The following AKT3 variants were observed in gnomAD, a reference collection of about 807,000 sequenced individuals.
The protein encoded by AKT3 is AKT serine/threonine kinase 3.
In AKT3, 15 loss-of-function variants were observed where a neutral mutation model predicts 65.3. The ratio of observed to expected loss-of-function variants is 0.23; its 90% CI spans 0.15 to 0.35. The LOEUF is 0.35. Among genes scored for constraint, AKT3 ranks in the 10% least tolerant of loss-of-function variants. The pLI is 1.00. For synonymous variants in AKT3, 206 were observed against 183.8 expected, an observed-to-expected ratio of 1.12 and a Z score of -0.98; for missense variants, 243 against 576.5, an observed-to-expected ratio of 0.42 and a Z score of 5.92.
chr1:243,842,978 C>T lies in AKT3; in HGVS notation c.46+147G>A, dbSNP rs1572443945. The T allele has an allele frequency of 8.4e-6, 7 of 830,294 alleles. No homozygotes were observed. The East Asian group carries it at 1.9e-4, about 23-fold the overall frequency. 51.4% of individuals were successfully genotyped at this position (830,294 alleles called of 1,614,324 possible). On this transcript the variant is annotated intron_variant, in intron 2 of 13. Coordinates refer to ENST00000673466, the MANE Select transcript of AKT3 (RefSeq NM_005465.7). ...AAATCCCTTAATAACAAGCAAATTC[C>T]TAACACACGTTAAATATATCATTTC...
intron 3 of AKT3, among the ~76,000 whole-genome samples, chr1:243,680,067 T>C (rs972738029): frequency 6.6e-6 from 1 of 152,290 alleles, no homozygotes; most frequent in African/African-American, 2.4e-5. Flanking sequence ...AAGCAATAAC[T>C]GTTGCTGGTT....
At chr1:243,566,197 T>A (rs1269891166) in intron 9 of AKT3, among the ~76,000 whole-genome samples, 1 of 152,214 alleles carries the variant, frequency 6.6e-6, no homozygotes, top group Admixed American at 6.5e-5. Context: ...GCTCCGTGTG[T>A]GTGTACGTGT....
intron 2 of AKT3, among the ~76,000 whole-genome samples, chr1:243,730,094 TG>T (rs1290165942): frequency 2.6e-5 from 4 of 152,188 alleles, no homozygotes; most frequent in African/African-American, 9.6e-5. Context: ...ATCCACAACC[TG>T]GAGGGAGAAT....
intron 2 of AKT3, among the ~76,000 whole-genome samples, chr1:243,790,025 A>C (rs1033989484): frequency 1.3e-5 from 2 of 152,204 alleles, no homozygotes; most frequent in African/African-American, 4.8e-5. Flanking sequence ...CCACTGATAG[A>C]GCACAGGCAG....
intron 8 of AKT3, among the ~76,000 whole-genome samples, chr1:243,591,709 T>C (rs971183359): frequency 2.0e-5 from 3 of 150,618 alleles, no homozygotes; most frequent in Non-Finnish European, 4.4e-5. Flanking sequence ...GCACATAAGA[T>C]GAAGATGAAA....
downstream of AKT3, among the ~76,000 whole-genome samples, chr1:243,495,148 T>C (rs1162454117): frequency 6.6e-6 from 1 of 152,240 alleles, no homozygotes; most frequent in African/African-American, 2.4e-5. Context: ...GAAGGAACCC[T>C]TGGGCTTGGG....
At chr1:243,649,378 G>GTATA (rs1177166699) in intron 4 of AKT3, among the ~76,000 whole-genome samples, 1 of 149,490 alleles carries the variant, frequency 6.7e-6, no homozygotes, top group African/African-American at 2.5e-5. Context: ...GTGTGTGTGT[G>GTATA]TATATATATA....
chr1:243,814,079 G>A (rs1212185503), intron 2 of AKT3, among the ~76,000 whole-genome samples: 1 of 152,188 alleles, frequency 6.6e-6, no homozygotes, highest in Non-Finnish European at 1.5e-5. Flanking sequence ...GCAACAGAGT[G>A]AGATCAGGTC....
chr1:243,667,715 C>G (rs538859168), intron 3 of AKT3, among the ~76,000 whole-genome samples: 51 of 152,282 alleles, frequency 3.3e-4, no homozygotes, highest in African/African-American at 1.2e-3. Flanking sequence ...TTTCAGTTCA[C>G]TAAGAATAGA....
At chr1:243,609,914 T>C (rs1042451272) in intron 8 of AKT3, among the ~76,000 whole-genome samples, 1 of 152,128 alleles carries the variant, frequency 6.6e-6, no homozygotes, top group African/African-American at 2.4e-5. Context: ...CTAGGAAGCT[T>C]TCCCTCATCC....
chr1:243,497,927 T>C (rs907122062), downstream of AKT3, among the ~76,000 whole-genome samples: 4 of 152,178 alleles, frequency 2.6e-5, no homozygotes, highest in African/African-American at 9.7e-5. Flanking sequence ...AGCGATCCTA[T>C]TGCCCCAGCC....
chr1:243,696,305 G>A (rs887245617), intron 2 of AKT3, among the ~76,000 whole-genome samples: 4 of 151,864 alleles, frequency 2.6e-5, no homozygotes, highest in Admixed American at 6.6e-5. Flanking sequence ...GGCTTTCAAC[G>A]ATACGCAAAC....
intron 8 of AKT3, among the ~76,000 whole-genome samples, chr1:243,577,807 T>C (rs1675050761): frequency 6.6e-6 from 1 of 151,736 alleles, no homozygotes; most frequent in Non-Finnish European, 1.5e-5. Flanking sequence ...AGGTCTAATA[T>C]CCAGAGTCTA....
chr1:243,701,058 A>G (rs2148043409), intron 2 of AKT3, among the ~76,000 whole-genome samples: 1 of 152,342 alleles, frequency 6.6e-6, no homozygotes, highest in Non-Finnish European at 1.5e-5. Flanking sequence ...TTCATTATTC[A>G]TCAACACTCT....
At chr1:243,696,488 T>A (rs551203674) in intron 2 of AKT3, among the ~76,000 whole-genome samples, 1 of 152,130 alleles carries the variant, frequency 6.6e-6, no homozygotes, top group East Asian at 1.9e-4. Flanking sequence ...CAACTTCTAA[T>A]TTTAAGCAAC....
chr1:243,622,049 G>A (rs906055430), intron 6 of AKT3, among the ~76,000 whole-genome samples: 6 of 152,144 alleles, frequency 3.9e-5, no homozygotes, highest in African/African-American at 1.4e-4. Context: ...TAACTACACG[G>A]CATAAAAATT....
At chr1:243,600,896 G>T (rs1322666374) in intron 8 of AKT3, among the ~76,000 whole-genome samples, 2 of 151,988 alleles carry the variant, frequency 1.3e-5, no homozygotes, top group Non-Finnish European at 2.9e-5. Context: ...CTTCATACTG[G>T]TTGGAAAGCC....
intron 10 of AKT3, among the ~76,000 whole-genome samples, chr1:243,557,832 T>C (rs1477078197): frequency 6.6e-6 from 1 of 151,996 alleles, no homozygotes; most frequent in Non-Finnish European, 1.5e-5. Context: ...GGTGGAGAGA[T>C]ATCATATGAA....
At chr1:243,571,246 G>T (rs1032508158) in intron 9 of AKT3, among the ~76,000 whole-genome samples, 1 of 152,194 alleles carries the variant, frequency 6.6e-6, no homozygotes, top group Non-Finnish European at 1.5e-5. Flanking sequence ...GAACCAGGGA[G>T]TTGGAGGTTG....
Sources: allele counts gnomAD v4.1 joint callset (sites outside exome capture counted in the v4.1 genomes callset), GRCh38; gene constraint gnomAD v4.1.1; transcripts MANE v1.5; gene names NCBI Gene and HGNC (gene_info 2026-07-23, HGNC 2026-07-21).